Variants in DDX42 observed in about 807,000 individuals in gnomAD.
DDX42 encodes DEAD-box helicase 42, also known as ATP-dependent RNA helicase DDX42.
DDX42 carries 22 observed loss-of-function variants against 101.5 expected under a neutral mutation model. That is an observed-to-expected ratio of 0.22 (90% confidence interval 0.15 to 0.31). The LOEUF (loss-of-function observed/expected upper bound fraction) is 0.31, where lower values mean the gene tolerates loss of function less well. Ranked by LOEUF, DDX42 falls within the 10% of genes least tolerant of loss-of-function variation. The pLI, the probability that DDX42 is intolerant of heterozygous loss-of-function variation, is 1.00. For missense variants in DDX42, 849 were observed against 1,199.9 expected, an observed-to-expected ratio of 0.71 and a Z score of 4.32; for synonymous variants, 402 against 401.2, an observed-to-expected ratio of 1.00 and a Z score of -0.02.
intron 1 of DDX42, among the ~76,000 whole-genome samples, chr17:63,778,705 A>G (rs2039450720): frequency 6.6e-6 from 1 of 151,770 alleles, no homozygotes; most frequent in African/African-American, 2.4e-5. Context: ...CAGTGGCACG[A>G]TCTCGGCTCA....
At chr17:63,794,071 T>C (rs1006819978) in intron 3 of DDX42, among the ~76,000 whole-genome samples, 1 of 152,112 alleles carries the variant, frequency 6.6e-6, no homozygotes, top group Admixed American at 6.6e-5. Flanking sequence ...TGTCAATCTT[T>C]ATAATAGCCC....
intron 1 of DDX42, among the ~76,000 whole-genome samples, chr17:63,780,086 C>T (rs1019684386): frequency 2.6e-5 from 4 of 152,070 alleles, no homozygotes; most frequent in African/African-American, 7.2e-5. Flanking sequence ...CACCGGCGGT[C>T]GGGAGTTTGA....
Position 63,818,767 on chromosome 17 carries a change from C to G in DDX42, c.*369C>G, listed in dbSNP as rs1062788. ...CACCTTATAAGCATCTATAAATTGA[C>G]TTCTTTTTCTTAGTTGTATGGCCAG... On this transcript the variant is annotated 3_prime_UTR_variant, in exon 18 of 18. Coordinates refer to ENST00000389924, the MANE Select transcript of DDX42 (RefSeq NM_203499.3). 0.69 allele frequency: 115,625 copies of G among 167,926 alleles called. 41,221 individuals carry two copies. Among genetic ancestry groups the G allele is most frequent in the African/African-American group, 0.9 (37,637 of 41,816 alleles). 10.4% of individuals were successfully genotyped at this position (167,926 alleles called of 1,614,324 possible).
chr17:63,818,585 T>C lies in DDX42; in HGVS notation c.*187T>C. ...CGGATGTTTTCTTGGGAAGCTGTTT[T>C]GGTCCTTGGAAGCAGTGAGAGCTGG... On this transcript the variant is annotated 3_prime_UTR_variant, in exon 18 of 18. Coordinates refer to ENST00000389924, the MANE Select transcript of DDX42 (RefSeq NM_203499.3). 1 of 603,090 alleles carries C rather than the reference T, an allele frequency of 1.7e-6. No individual in the cohort carries two copies. Among genetic ancestry groups the C allele is most frequent in the Non-Finnish European group, 2.8e-6 (1 of 352,786 alleles). The allele number at this position is 603,090 out of a possible 1,614,324, so 37.4% of individuals were successfully genotyped here.
intron 11 of DDX42, among the ~76,000 whole-genome samples, 200 bp downstream of exon 11, chr17:63,809,859 A>G (rs2039887914): frequency 6.6e-6 from 1 of 152,184 alleles, no homozygotes; most frequent in Non-Finnish European, 1.5e-5. Context: ...GGTTGAGGAA[A>G]TTTCAAAGTG....
Position 63,792,566 on chromosome 17 carries a change from A to C in DDX42, c.372+4A>C. The stretch of plus-strand genomic sequence containing the variant: ...GGCATTCATGGCTGAAGTGGAGGCA[A>C]GTATCAACATGTTTCATTAAAATAT... On this transcript the variant is annotated splice_donor_region_variant and intron_variant, in intron 3 of 17. Coordinates refer to ENST00000389924, the MANE Select transcript of DDX42 (RefSeq NM_203499.3). 1 of 1,606,894 alleles carries C rather than the reference A, an allele frequency of 6.2e-7. No individual in the cohort carries two copies. Among genetic ancestry groups the C allele is most frequent in the Non-Finnish European group, 8.5e-7 (1 of 1,176,818 alleles).
intron 3 of DDX42, among the ~76,000 whole-genome samples, chr17:63,793,615 C>T (rs1299163963): frequency 1.3e-5 from 2 of 152,018 alleles, no homozygotes; most frequent in African/African-American, 4.8e-5. Context: ...TAATTTTATC[C>T]ATCAGTATTT....
rs1271104659 is a variant in DDX42, at chr17:63,809,599, C to A, written c.1192C>A (p.Leu398Ile). 1 of 1,614,086 alleles carries A rather than the reference C, an allele frequency of 6.2e-7. No homozygotes were observed. Among genetic ancestry groups the A allele is most frequent in the East Asian group, 2.2e-5 (1 of 44,868 alleles). ...TCATGTGAAAAAGAAAGCTACCAATCTTCAAAGAGTCTCTTACCTTGTGTT... is the reference window on the plus strand; with the variant it reads ...TCATGTGAAAAAGAAAGCTACCAATATTCAAAGAGTCTCTTACCTTGTGTT... ...IDHVKKKATN[L>I]QRVSYLVFDE... The change falls in exon 11 of 18, where the codon CTT becomes ATT. Residue 398 changes from leucine to isoleucine, a missense_variant. Coordinates refer to ENST00000389924, the MANE Select transcript of DDX42 (RefSeq NM_203499.3).
At chr17:63,791,181 A>G (rs1185718030) in intron 2 of DDX42, among the ~76,000 whole-genome samples, 2 of 152,232 alleles carry the variant, frequency 1.3e-5, no homozygotes, top group African/African-American at 4.8e-5. Flanking sequence ...TAGTTTATAA[A>G]GAGCTGTATT....
intron 13 of DDX42, 54 bp from the exon 14 acceptor site, chr17:63,811,878 A>G (rs1294139594): frequency 5.0e-6 from 8 of 1,610,740 alleles, no homozygotes; most frequent in Non-Finnish European, 6.8e-6. Context: ...GTCCTTGTTC[A>G]GGTGCCCTGT....
At chr17:63,788,635 T>C (rs566442933) in intron 2 of DDX42, among the ~76,000 whole-genome samples, 15 of 152,252 alleles carry the variant, frequency 9.9e-5, no homozygotes, top group Admixed American at 3.3e-4. Flanking sequence ...AACTAGTATG[T>C]TGGAACGTCT....
intron 4 of DDX42, among the ~76,000 whole-genome samples, chr17:63,798,617 G>A (rs2039722432): frequency 1.3e-5 from 2 of 152,134 alleles, no homozygotes; most frequent in Non-Finnish European, 2.9e-5. Context: ...TGTATAAGGA[G>A]GGCTGTAATA....
intron 12 of DDX42, among the ~76,000 whole-genome samples, chr17:63,810,832 C>T (rs1352923532): frequency 6.6e-6 from 1 of 152,204 alleles, no homozygotes; most frequent in African/African-American, 2.4e-5. Context: ...GTGTACAGTA[C>T]AGATCTGCTG....
chr17:63,782,763 G>A (rs148781293), intron 1 of DDX42, among the ~76,000 whole-genome samples: 3 of 152,236 alleles, frequency 2.0e-5, no homozygotes, highest in African/African-American at 7.2e-5. Context: ...CCTCTACCAT[G>A]AGTATCTCTC....
intron 15 of DDX42, among the ~76,000 whole-genome samples, chr17:63,814,874 G>A (rs9902275): frequency 0.33 from 49,320 of 151,648 alleles, 9,205 homozygotes; most frequent in African/African-American, 0.51. Flanking sequence ...ATTTTTAGTA[G>A]GGACGGGGTT....
chr17:63,779,156 T>G (rs1461180199), intron 1 of DDX42, among the ~76,000 whole-genome samples: 1 of 152,348 alleles, frequency 6.6e-6, no homozygotes, highest in East Asian at 1.9e-4. Context: ...AAGGGTTCTT[T>G]TTTAAATTTT....
chr17:63,774,981 C>T (rs1347119702), intron 1 of DDX42: 1 of 152,630 alleles, frequency 6.6e-6, no homozygotes, highest in Non-Finnish European at 1.5e-5. Flanking sequence ...GAATTACATT[C>T]TCATCACTGA....
At position 63,817,865 on chromosome 17, in the gene DDX42, G is replaced by C. The variant is rs751261818; in HGVS notation, c.2284G>C (p.Gly762Arg). 6.2e-7 allele frequency: 1 copy of C among 1,614,168 alleles called. No individual in the cohort carries two copies. The highest frequency in any genetic ancestry group is 1.1e-5 in the South Asian group (1 of 91,078). ...PDSPVTSAAKGIPGFGNTGNI... is the reference protein window; with the variant it reads ...PDSPVTSAAKRIPGFGNTGNI... The stretch of plus-strand genomic sequence containing the variant: ...CAGCCCCGTCACCAGTGCCGCCAAG[G>C]GCATCCCAGGCTTTGGCAATACTGG... Residue 762 changes from glycine to arginine, a missense_variant, in exon 18 of 18, where the codon GGC (glycine) becomes CGC (arginine). By Grantham distance (125) the Gly-to-Arg change is moderately radical. This residue lies in a region of DDX42 where 300 missense variants were observed against 304.9 expected (regional missense o/e 0.98). Coordinates refer to ENST00000389924, the MANE Select transcript of DDX42 (RefSeq NM_203499.3).
chr17:63,813,192 TGAA>T, intron 14 of DDX42, 33 bp from the exon 15 acceptor site: 1 of 1,550,238 alleles, frequency 6.5e-7, no homozygotes, highest in African/African-American at 1.4e-5. Context: ...TGACTACAGA[TGAA>T]GAATAAAAGA....
Sources: gnomAD v4.1 joint callset for allele counts (sites outside exome capture counted in the v4.1 genomes callset) on GRCh38, gnomAD v4.1.1 for gene constraint, gnomAD v4.1.1 regional missense constraint, MANE v1.5 for transcripts, NCBI Gene and HGNC (gene_info 2026-07-23, HGNC 2026-07-21) for gene names.